Variants in PRKCH observed in about 807,000 individuals in gnomAD.
The protein encoded by PRKCH is protein kinase C eta type.
A neutral mutation model predicts 82.5 loss-of-function variants in PRKCH; 28 were observed. The observed-to-expected ratio is 0.34, with a 90% CI of 0.25 to 0.47. The LOEUF is 0.47. Among genes scored for constraint, PRKCH ranks in the 20% least tolerant of loss-of-function variants. The pLI, the probability that PRKCH is intolerant of heterozygous loss-of-function variation, is 1.00. For synonymous variants in PRKCH, 322 were observed against 327.4 expected, an observed-to-expected ratio of 0.98 and a Z score of 0.18; for missense variants, 705 against 881.8, an observed-to-expected ratio of 0.80 and a Z score of 2.54.
At chr14:61,310,289 A>G (rs746938383) in intron 1 of PRKCH, among the ~76,000 whole-genome samples, 1 of 152,242 alleles carries the variant, frequency 6.6e-6, no homozygotes, top group Non-Finnish European at 1.5e-5. Context: ...CCTTCCGCCT[A>G]TAAACCTGTA....
chr14:61,401,362 T>C (rs1881605557), intron 2 of PRKCH, among the ~76,000 whole-genome samples: 1 of 152,218 alleles, frequency 6.6e-6, no homozygotes, highest in Non-Finnish European at 1.5e-5. Flanking sequence ...ACTTCTCTTA[T>C]TTTGACTGAC....
intron 10 of PRKCH, among the ~76,000 whole-genome samples, chr14:61,497,034 C>T (rs1008142234): frequency 1.3e-5 from 2 of 152,158 alleles, no homozygotes; most frequent in Non-Finnish European, 2.9e-5. Context: ...CTCTGATTGA[C>T]CGAAAAGGAT....
At chr14:61,312,049 G>A (rs2045529249) in intron 1 of PRKCH, among the ~76,000 whole-genome samples, 1 of 152,134 alleles carries the variant, frequency 6.6e-6, no homozygotes, top group Non-Finnish European at 1.5e-5. Flanking sequence ...GGGATTACAG[G>A]TCCCTCCCTC....
intron 1 of PRKCH, among the ~76,000 whole-genome samples, chr14:61,210,445 C>A (rs2044565677): frequency 6.6e-6 from 1 of 152,054 alleles, no homozygotes; most frequent in Non-Finnish European, 1.5e-5. Context: ...TCAGCCTTTC[C>A]CCAACTTTAC....
chr14:61,377,967 G>A (rs867814892), intron 1 of PRKCH, among the ~76,000 whole-genome samples: 1 of 152,192 alleles, frequency 6.6e-6, no homozygotes, highest in Non-Finnish European at 1.5e-5. Flanking sequence ...TTCTCTGGGT[G>A]TAGCTCTTTC....
chr14:61,479,914 C>T (rs1367977377), intron 9 of PRKCH, among the ~76,000 whole-genome samples: 2 of 152,232 alleles, frequency 1.3e-5, no homozygotes, highest in Non-Finnish European at 2.9e-5. Context: ...CTTTCACTCC[C>T]ACCGGTGTTC....
At chr14:61,449,131 A>C in intron 4 of PRKCH, 33 bp from the exon 5 acceptor site, 1 of 1,593,028 alleles carries the variant, frequency 6.3e-7, no homozygotes, top group South Asian at 1.1e-5. Flanking sequence ...TGAGCTTCTG[A>C]TAAATGTATA....
At chr14:61,355,248 A>G (rs768570550) in intron 1 of PRKCH, among the ~76,000 whole-genome samples, 1 of 152,060 alleles carries the variant, frequency 6.6e-6, no homozygotes, top group Non-Finnish European at 1.5e-5. Context: ...TTCTATGCAA[A>G]TCCTACTTTA....
intron 1 of PRKCH, among the ~76,000 whole-genome samples, chr14:61,291,694 G>C (rs1295970423): frequency 6.6e-6 from 1 of 152,196 alleles, no homozygotes; most frequent in Non-Finnish European, 1.5e-5. Context: ...TGATGAACCA[G>C]AGGAAGGTCT....
intron 1 of PRKCH, among the ~76,000 whole-genome samples, chr14:61,315,891 G>A (rs1055971550): frequency 6.6e-6 from 1 of 151,706 alleles, no homozygotes; most frequent in Non-Finnish European, 1.5e-5. Context: ...GGGATTACAG[G>A]GACATACCAC....
intron 1 of PRKCH, among the ~76,000 whole-genome samples, chr14:61,369,599 T>A (rs984971931): frequency 6.6e-6 from 1 of 152,148 alleles, no homozygotes; most frequent in African/African-American, 2.4e-5. Context: ...TTACACAATA[T>A]AAGTTCCTGT....
intron 1 of PRKCH, among the ~76,000 whole-genome samples, chr14:61,199,452 G>T (rs1402345923): frequency 1.3e-5 from 2 of 152,156 alleles, no homozygotes; most frequent in African/African-American, 4.8e-5. Context: ...CTGCTTTTCA[G>T]CATTTCTCTT....
At chr14:61,322,753 A>G (rs895232114) in intron 1 of PRKCH, 1 of 345,696 alleles carries the variant, frequency 2.9e-6, no homozygotes, top group African/African-American at 2.0e-5. Context: ...CTTTCCGCCC[A>G]GTCTTTGGGT....
intron 1 of PRKCH, among the ~76,000 whole-genome samples, chr14:61,332,265 T>C (rs1242977876): frequency 2.6e-5 from 4 of 152,236 alleles, no homozygotes; most frequent in African/African-American, 4.8e-5. Flanking sequence ...ACTATGGTAG[T>C]GTTTAAGTGC....
At chr14:61,369,141 C>G (rs1399879028) in intron 1 of PRKCH, among the ~76,000 whole-genome samples, 1 of 152,132 alleles carries the variant, frequency 6.6e-6, no homozygotes, top group Non-Finnish European at 1.5e-5. Flanking sequence ...TTTGTAACCA[C>G]TTTCAGTGGA....
intron 1 of PRKCH, among the ~76,000 whole-genome samples, chr14:61,388,185 G>C (rs897016564): frequency 3.3e-5 from 5 of 150,094 alleles, no homozygotes; most frequent in African/African-American, 1.2e-4. Flanking sequence ...AATCCCCATT[G>C]TGTGCAACCC....
intron 2 of PRKCH, among the ~76,000 whole-genome samples, chr14:61,412,653 TG>T (rs1343965423): frequency 2.6e-5 from 4 of 152,214 alleles, no homozygotes; most frequent in African/African-American, 7.2e-5. Flanking sequence ...GCTGGACCCA[TG>T]GCATATAAAT....
intron 1 of PRKCH, among the ~76,000 whole-genome samples, chr14:61,337,806 T>C (rs2045878825): frequency 6.6e-6 from 1 of 152,228 alleles, no homozygotes; most frequent in Non-Finnish European, 1.5e-5. Context: ...TCTTTCACAG[T>C]TGATTTTAAG....
Position 61,504,936 on chromosome 14 carries a change from C to T in PRKCH, c.1433+19280C>T, listed in dbSNP as rs1469285852. On this transcript the variant is annotated intron_variant, in intron 10 of 13. Transcript: ENST00000332981. ...ATGTTAATTGAGACCTATTTTTTGC[C>T]TGGAGATATAATAGTGACCACAATA... Among the ~76,000 whole-genome samples the T allele has an allele frequency of 2.0e-5, 3 of 151,930 alleles. 1 individual carries two copies. Among genetic ancestry groups the T allele is most frequent in the African/African-American group, 7.3e-5 (3 of 41,330 alleles).
Sources: gnomAD v4.1 joint callset for allele counts (sites outside exome capture counted in the v4.1 genomes callset) on GRCh38, gnomAD v4.1.1 for gene constraint, MANE v1.5 for transcripts, NCBI Gene and HGNC (gene_info 2026-07-23, HGNC 2026-07-21) for gene names.